Variants in RIPOR3 observed in about 807,000 individuals in gnomAD.
RIPOR3 encodes RIPOR family member 3.
A neutral mutation model predicts 114.3 loss-of-function variants in RIPOR3; 95 were observed. That is an observed-to-expected ratio of 0.83 (90% confidence interval 0.70 to 0.99). The LOEUF (loss-of-function observed/expected upper bound fraction) is 0.99. RIPOR3 is among the 50% of genes least tolerant of loss of function. RIPOR3 has a pLI of 0.00. For missense variants in RIPOR3, 1,252 were observed against 1,266.9 expected, an observed-to-expected ratio of 0.99 and a Z score of 0.18; for synonymous variants, 575 against 543.8, an observed-to-expected ratio of 1.06 and a Z score of -0.80.
intron 1 of RIPOR3, among the ~76,000 whole-genome samples, chr20:50,642,215 G>T (rs6020661): frequency 0.29 from 43,775 of 151,688 alleles, 7,630 homozygotes; most frequent in African/African-American, 0.5. Flanking sequence ...AATTTTCAGT[G>T]CCTATTCCTT....
chr20:50,680,668 G>A (rs570092768), intron 1 of RIPOR3, among the ~76,000 whole-genome samples: 37 of 152,210 alleles, frequency 2.4e-4, no homozygotes, highest in South Asian at 4.1e-4. Context: ...AGCCTCTTAC[G>A]CAATACAATG....
chr20:50,595,317 C>T (rs1027891045), intron 16 of RIPOR3, 52 bp downstream of exon 16: 22 of 1,589,588 alleles, frequency 1.4e-5, no homozygotes, highest in Non-Finnish European at 1.8e-5. Flanking sequence ...GCTTTGATCC[C>T]GTCCCCGTGC....
chr20:50,605,064 A>G (rs1406890505), intron 11 of RIPOR3, among the ~76,000 whole-genome samples: 1 of 152,184 alleles, frequency 6.6e-6, no homozygotes. Flanking sequence ...CTATGACCAC[A>G]GGCATGTACC....
chr20:50,689,324 C>T (rs942978303), intron 1 of RIPOR3, among the ~76,000 whole-genome samples: 5 of 152,084 alleles, frequency 3.3e-5, no homozygotes, highest in African/African-American at 7.2e-5. Context: ...TATAGGCACG[C>T]ACCACCACGG....
At chr20:50,644,667 TTTTG>T (rs1428210000) in intron 1 of RIPOR3, among the ~76,000 whole-genome samples, 7 of 143,462 alleles carry the variant, frequency 4.9e-5, no homozygotes, top group African/African-American at 1.3e-4. Context: ...TTTTGTTTTT[TTTTG>T]TTTGCTTTTT....
intron 1 of RIPOR3, among the ~76,000 whole-genome samples, chr20:50,681,237 AAAAAAG>A (rs2086848908): frequency 8.7e-6 from 1 of 114,706 alleles, no homozygotes; most frequent in Non-Finnish European, 1.9e-5. Flanking sequence ...AAAAAAAAAA[AAAAAAG>A]AAAAGAAAAG....
At chr20:50,666,207 C>CTTTG (rs2086220428) in intron 1 of RIPOR3, among the ~76,000 whole-genome samples, 4 of 109,982 alleles carry the variant, frequency 3.6e-5, no homozygotes, top group African/African-American at 1.6e-4. Flanking sequence ...CTTTTCTTTT[C>CTTTG]TTTTCTTTTC....
chr20:50,588,275 C>T (rs1057381450), intron 20 of RIPOR3, among the ~76,000 whole-genome samples: 14 of 152,264 alleles, frequency 9.2e-5, no homozygotes, highest in South Asian at 4.1e-4. Flanking sequence ...AGGCACATGC[C>T]CCCTGGCTGC....
At chr20:50,625,766 C>T (rs928442466) in intron 2 of RIPOR3, among the ~76,000 whole-genome samples, 1 of 152,118 alleles carries the variant, frequency 6.6e-6, no homozygotes, top group African/African-American at 2.4e-5. Context: ...AGGACAGTAT[C>T]GGGGCCTGGC....
rs955910527 is a variant in RIPOR3 at position 50,676,947 on chromosome 20, G to A, written c.3+14179C>T. Among the ~76,000 whole-genome samples the A allele has an allele frequency of 5.9e-5, 9 of 152,164 alleles. No individual in the cohort carries two copies. The East Asian group carries it at 1.7e-3, about 29-fold the overall frequency. Reference sequence around the variant, plus strand: ...CCGTCAATCCATTTGCAGTCACCAAGCACCAGCTGCGTGCACCGCATTGTG... The same window carrying A: ...CCGTCAATCCATTTGCAGTCACCAAACACCAGCTGCGTGCACCGCATTGTG... On this transcript the variant is annotated intron_variant, in intron 1 of 21. Transcript: ENST00000327979.
intron 1 of RIPOR3, among the ~76,000 whole-genome samples, chr20:50,631,535 T>C (rs2084821941): frequency 6.6e-6 from 1 of 152,160 alleles, no homozygotes; most frequent in African/African-American, 2.4e-5. Context: ...CCGGCAGGGC[T>C]CAGGTCCCAA....
At chr20:50,593,462 T>G (rs2083179728) in intron 17 of RIPOR3, among the ~76,000 whole-genome samples, 1 of 152,048 alleles carries the variant, frequency 6.6e-6, no homozygotes, top group South Asian at 2.1e-4. Flanking sequence ...TCCCAGCAAC[T>G]CTGGAGGCTG....
chr20:50,593,325 C>T, intron 17 of RIPOR3, 129 bp from the exon 18 acceptor site: 1 of 1,056,086 alleles, frequency 9.5e-7, no homozygotes, highest in South Asian at 1.7e-5. Context: ...GTAACCCCAG[C>T]ACTTTGGGAG....
chr20:50,607,532 T>TC (rs2083766946), intron 11 of RIPOR3, among the ~76,000 whole-genome samples: 1 of 152,146 alleles, frequency 6.6e-6, no homozygotes. Flanking sequence ...AGTGCCCACT[T>TC]CTCTGCCCAG....
chr20:50,626,527 CCAA>C (rs1025456195), intron 2 of RIPOR3, among the ~76,000 whole-genome samples: 2 of 152,212 alleles, frequency 1.3e-5, no homozygotes, highest in African/African-American at 4.8e-5. Flanking sequence ...CAGGAAGGGG[CCAA>C]CGAGAGGCAG....
chr20:50,616,148 T>G (rs548295802), intron 3 of RIPOR3, 68 bp from the exon 4 acceptor site: 2 of 1,495,200 alleles, frequency 1.3e-6, no homozygotes, highest in African/African-American at 2.8e-5. Flanking sequence ...GTAGGCCAAA[T>G]GGACAATGTC....
chr20:50,680,796 G>T (rs763818537), intron 1 of RIPOR3, among the ~76,000 whole-genome samples: 1 of 152,218 alleles, frequency 6.6e-6, no homozygotes, highest in Admixed American at 6.5e-5. Flanking sequence ...GTTGGGTCGG[G>T]GGGTGGGAGG....
At chr20:50,689,338 G>A (rs1382901336) in intron 1 of RIPOR3, among the ~76,000 whole-genome samples, 1 of 152,084 alleles carries the variant, frequency 6.6e-6, no homozygotes, top group Non-Finnish European at 1.5e-5. Context: ...ACCACGGCCA[G>A]CTAATTTTTG....
At chr20:50,679,156 A>T (rs1396118637) in intron 1 of RIPOR3, among the ~76,000 whole-genome samples, 1 of 126,850 alleles carries the variant, frequency 7.9e-6, no homozygotes, top group Non-Finnish European at 1.7e-5. Context: ...ATATACACAC[A>T]CACACACACA....
Sources: allele counts gnomAD v4.1 joint callset (sites outside exome capture counted in the v4.1 genomes callset), GRCh38; gene constraint gnomAD v4.1.1; transcripts MANE v1.5; gene names NCBI Gene and HGNC (gene_info 2026-07-23, HGNC 2026-07-21).